B4GALNT1: variants seen among roughly 807,000 people sequenced by gnomAD.
B4GALNT1 encodes the protein beta-1,4 N-acetylgalactosaminyltransferase 1.
In B4GALNT1, 43 loss-of-function variants were observed where a neutral mutation model predicts 55.2. The ratio of observed to expected loss-of-function variants is 0.78; its 90% CI spans 0.61 to 1.00. The LOEUF is 1.00. B4GALNT1 is among the 50% of genes least tolerant of loss of function. The pLI, the probability that B4GALNT1 is intolerant of heterozygous loss-of-function variation, is 0.00. For missense variants in B4GALNT1, 664 were observed against 729.7 expected (o/e 0.91, Z 1.04); for synonymous variants, 305 against 311.6 (o/e 0.98, Z 0.22).
rs764844859 is a variant in B4GALNT1 at position 57,628,107 on chromosome 12, C to T, written c.1143+15G>A. On this transcript the variant is annotated intron_variant, in intron 9 of 10. Transcript: ENST00000341156. Reference sequence around the variant, plus strand: ...GGCCCTTCTCCACCCCCACATCCTGCAGCCCCTGCCCTACCAGGTCCAGCG... The same window carrying T: ...GGCCCTTCTCCACCCCCACATCCTGTAGCCCCTGCCCTACCAGGTCCAGCG... 9 of 1,612,928 alleles carry T rather than the reference C, an allele frequency of 5.6e-6. No individual in the cohort carries two copies. In the East Asian group the frequency reaches 1.8e-4, roughly 32 times the overall value.
In B4GALNT1 at chr12:57,630,538, G is replaced by T. The variant is rs964227469; in HGVS notation, c.491-20C>A. 1 of 1,596,260 alleles carries T rather than the reference G, an allele frequency of 6.3e-7. No individual in the cohort carries two copies. Among genetic ancestry groups the T allele is most frequent in the Non-Finnish European group, 8.5e-7 (1 of 1,172,350 alleles). ...TCAGCCCTAGGAGAAAGGAGTGGGG[G>T]GATCAGAATCACATAGGCAGCCCTG... is the stretch of plus-strand genomic sequence containing the variant. On this transcript the variant is annotated intron_variant, in intron 4 of 10. Transcript: ENST00000341156.
intron 6 of B4GALNT1, chr12:57,629,570 C>T: frequency 2.5e-6 from 1 of 398,046 alleles, no homozygotes; most frequent in Non-Finnish European, 4.3e-6. Context: ...AATTCAGATA[C>T]TGGTAAGTAT....
At chr12:57,629,768 C>A (rs1885075362) in intron 6 of B4GALNT1, 9 of 1,434,178 alleles carry the variant, frequency 6.3e-6, no homozygotes, top group Admixed American at 5.7e-5. Context: ...TGGGGAGAAG[C>A]AAAGAGGGCT....
intron 8 of B4GALNT1, 199 bp downstream of exon 8, chr12:57,628,514 G>A: frequency 1.2e-6 from 1 of 803,506 alleles, no homozygotes; most frequent in Non-Finnish European, 1.9e-6. Context: ...AATGCCATTA[G>A]GCACTAAGCA....
At position 57,624,846 on chromosome 12, in the gene B4GALNT1, C is replaced by G. The variant is rs748371188; in HGVS notation, c.*1898G>C. ...GGGAAGATTAGCCCCAGACATTTCT[C>G]TGATCCTTTGACCTCTTAGCTCCTC... On this transcript the variant is annotated 3_prime_UTR_variant, in exon 11 of 11. Coordinates refer to ENST00000341156, the MANE Select transcript of B4GALNT1 (RefSeq NM_001478.5). 6.2e-7 allele frequency: 1 copy of G among 1,609,586 alleles called. No homozygotes were observed. Among genetic ancestry groups the G allele is most frequent in the Admixed American group, 1.7e-5 (1 of 60,024 alleles).
intron 5 of B4GALNT1, 71 bp downstream of exon 5, chr12:57,630,407 T>A: frequency 6.3e-7 from 1 of 1,597,358 alleles, no homozygotes; most frequent in Non-Finnish European, 8.6e-7. Context: ...CATCCTTCCC[T>A]TAGTAGCCCT....
intron 2 of B4GALNT1, 42 bp downstream of exon 2, chr12:57,631,873 C>T (rs1245639838): frequency 1.5e-5 from 20 of 1,362,812 alleles, no homozygotes; most frequent in East Asian, 8.5e-5. Context: ...CCCAGACCAC[C>T]CCCAGCGAGC....
chr12:57,631,998 G>A lies in B4GALNT1; in HGVS notation c.135C>T (p.Ser45=). 6.9e-7 allele frequency: 1 copy of A among 1,454,192 alleles called. No individual in the cohort carries two copies. The highest frequency in any genetic ancestry group is 9.1e-7 in the Non-Finnish European group (1 of 1,103,634). 90.1% of individuals were successfully genotyped at this position (1,454,192 alleles called of 1,614,324 possible). A position where few individuals can be genotyped will look rare whatever the true frequency, so the allele number is the denominator to read the frequency against. ...GATCTGGCAGCTCGGGCCTGCGGGGGCTTTGCGGGGGCGCCCACGGCGCAA... is the reference window on the plus strand; with the variant it reads ...GATCTGGCAGCTCGGGCCTGCGGGGACTTTGCGGGGGCGCCCACGGCGCAA... The part of the protein sequence containing the change: ...LPLAPWAPPQ[S]PRRPELPDLA... The change falls in exon 2 of 11, where the codon AGC becomes AGT. Residue 45 remains serine, a synonymous_variant. Coordinates refer to ENST00000341156, the MANE Select transcript of B4GALNT1 (RefSeq NM_001478.5).
Position 57,625,167 on chromosome 12 carries a change from G to A in B4GALNT1, c.*1577C>T. ...GCCCAATGGTTGCAGGTGAGATGGG[G>A]TGACAAGAAGGAAGATTTGGGCATG... is the stretch of plus-strand genomic sequence containing the variant. On this transcript the variant is annotated 3_prime_UTR_variant, in exon 11 of 11. Transcript: ENST00000341156. 2 of 1,614,134 alleles carry A rather than the reference G, an allele frequency of 1.2e-6. No individual in the cohort carries two copies. Among genetic ancestry groups the A allele is most frequent in the South Asian group, 1.1e-5 (1 of 91,082 alleles).
intron 3 of B4GALNT1, 55 bp downstream of exon 3, chr12:57,631,145 C>G (rs919201730): frequency 2.5e-6 from 4 of 1,611,284 alleles, no homozygotes; most frequent in African/African-American, 1.3e-5. Context: ...CTCTCCCTCC[C>G]GGCACAATCA....
chr12:57,623,581 G>A lies in B4GALNT1; in HGVS notation c.*3163C>T. On this transcript the variant is annotated 3_prime_UTR_variant, in exon 11 of 11. Transcript: ENST00000341156. ...CCCAACAGTGGCTTTTAAGGTGGAG[G>A]TGGGCTACAAAACTGGGGAACTTGA... The A allele has an allele frequency of 1.9e-6, 1 of 531,296 alleles. No individual in the cohort carries two copies. Among genetic ancestry groups the A allele is most frequent in the Non-Finnish European group, 3.3e-6 (1 of 299,462 alleles). 32.9% of individuals were successfully genotyped at this position (531,296 alleles called of 1,614,324 possible).
chr12:57,628,686 C>T (rs1269665880), intron 8 of B4GALNT1, 27 bp downstream of exon 8: 1 of 1,613,470 alleles, frequency 6.2e-7, no homozygotes, highest in South Asian at 1.1e-5. Flanking sequence ...GTCCTCTGGC[C>T]TGCCGTTCAG....
rs1161442469 is a variant in B4GALNT1, at chr12:57,627,963, T to C, written c.1144-105A>G. ...TCGGGGGTACCCCTGCCCCATCCTC[T>C]TCCGCTTCACCCCTGCAGGACCCAG... On this transcript the variant is annotated intron_variant, in intron 9 of 10. Transcript: ENST00000341156. 6.8e-6 allele frequency: 10 copies of C among 1,466,610 alleles called. No individual in the cohort carries two copies. In the East Asian group the frequency reaches 2.0e-4, roughly 29 times the overall value. 90.8% of individuals were successfully genotyped at this position (1,466,610 alleles called of 1,614,324 possible). A position where few individuals can be genotyped will look rare whatever the true frequency, so the allele number is the denominator to read the frequency against.
chr12:57,630,409 A>C (rs1594985051), intron 5 of B4GALNT1, 69 bp downstream of exon 5: 8 of 1,597,528 alleles, frequency 5.0e-6, no homozygotes, highest in Non-Finnish European at 6.8e-6. Flanking sequence ...TCCTTCCCTT[A>C]GTAGCCCTGC....
chr12:57,631,107 G>A (rs1403996736), intron 3 of B4GALNT1, 21 bp from the exon 4 acceptor site: 1 of 1,609,522 alleles, frequency 6.2e-7, no homozygotes, highest in Non-Finnish European at 8.5e-7. Context: ...AGGAAGGAGA[G>A]GACAGAGCAG....
At position 57,631,842 on chromosome 12, in the gene B4GALNT1, G is replaced by A. The variant is rs1885232096; in HGVS notation, c.218+73C>T. ...AGGAGAATGCAGGCATCTGAGCCCA[G>A]CAGTGGAGAAAACAAAAGCCCCCAG... On this transcript the variant is annotated intron_variant, in intron 2 of 10. Transcript: ENST00000341156. The A allele has an allele frequency of 2.0e-5, 26 of 1,293,228 alleles. No homozygotes were observed. The South Asian group carries it at 4.5e-4, about 22-fold the overall frequency. 80.1% of individuals were successfully genotyped at this position (1,293,228 alleles called of 1,614,324 possible).
rs969446576 is a variant in B4GALNT1, at chr12:57,626,294, G to A, written c.*450C>T. 4 of 183,514 alleles carry A rather than the reference G, an allele frequency of 2.2e-5. No homozygotes were observed. Among genetic ancestry groups the A allele is most frequent in the Non-Finnish European group, 4.6e-5 (4 of 86,654 alleles). 11.4% of individuals were successfully genotyped at this position (183,514 alleles called of 1,614,324 possible). On this transcript the variant is annotated 3_prime_UTR_variant, in exon 11 of 11. Coordinates refer to ENST00000341156, the MANE Select transcript of B4GALNT1 (RefSeq NM_001478.5). The stretch of plus-strand genomic sequence containing the variant: ...AGAGCCACAAGTTCTCTCTGTGGGG[G>A]TGGGGCTGGAGCAGGTACACAGAGT...
rs757683460 is a variant in B4GALNT1 at position 57,624,480 on chromosome 12, C to A, written c.*2264G>T. On this transcript the variant is annotated 3_prime_UTR_variant, in exon 11 of 11. Coordinates refer to ENST00000341156, the MANE Select transcript of B4GALNT1 (RefSeq NM_001478.5). ...CCTGGCTTTTCTTTTGGGCAATCCA[C>A]CCCTATCCCTATCCTGCAGGCTGTG... The A allele has an allele frequency of 1.6e-5, 10 of 615,330 alleles. No individual in the cohort carries two copies. The highest frequency in any genetic ancestry group is 2.8e-5 in the Non-Finnish European group (9 of 315,884). 38.1% of individuals were successfully genotyped at this position (615,330 alleles called of 1,614,324 possible). A position where few individuals can be genotyped will look rare whatever the true frequency, so the allele number is the denominator to read the frequency against.
In B4GALNT1 at chr12:57,626,620, G is replaced by A. The variant is rs1026618649; in HGVS notation, c.*124C>T. 3 of 1,130,424 alleles carry A rather than the reference G, an allele frequency of 2.7e-6. No individual in the cohort carries two copies. The highest frequency in any genetic ancestry group is 1.9e-5 in the Admixed American group (1 of 53,842). The allele number at this position is 1,130,424 out of a possible 1,614,324, so 70.0% of individuals were successfully genotyped here. ...GGGCATCAGGTTCTGAAAAGGAAGA[G>A]TGAGGAACTAGAGGCTCAGGGACAG... On this transcript the variant is annotated 3_prime_UTR_variant, in exon 11 of 11. Coordinates refer to ENST00000341156, the MANE Select transcript of B4GALNT1 (RefSeq NM_001478.5).
Sources: allele counts gnomAD v4.1 joint callset, GRCh38; gene constraint gnomAD v4.1.1; transcripts MANE v1.5; gene names NCBI Gene and HGNC (gene_info 2026-07-23, HGNC 2026-07-21).